The following EIF4G3 variants were observed in gnomAD, a reference collection of about 807,000 sequenced individuals.
EIF4G3 encodes eIF-4-gamma 3.
EIF4G3 carries 34 observed loss-of-function variants against 186.4 expected under a neutral mutation model. That is an observed-to-expected ratio of 0.18 (90% CI 0.14 to 0.24). EIF4G3 has a LOEUF of 0.24. Among genes scored for constraint, EIF4G3 ranks in the 10% least tolerant of loss-of-function variants. The pLI, the probability that EIF4G3 is intolerant of heterozygous loss-of-function variation, is 1.00. For missense variants in EIF4G3, 1,536 were observed against 1,948.5 expected (o/e 0.79, Z 3.99); for synonymous variants, 673 against 679.5 (o/e 0.99, Z 0.15).
At chr1:21,161,527 A>G (rs2097766314) in intron 2 of EIF4G3, 1 of 152,372 alleles carries the variant, frequency 6.6e-6, no homozygotes, top group African/African-American at 2.4e-5. Flanking sequence ...AGAAAAAGAA[A>G]AACAAGTGCC....
At chr1:21,104,417 A>G (rs989838748) in intron 2 of EIF4G3, among the ~76,000 whole-genome samples, 1 of 152,202 alleles carries the variant, frequency 6.6e-6, no homozygotes, top group Non-Finnish European at 1.5e-5. Flanking sequence ...AAGAACATGA[A>G]CAAACACTTT....
intron 3 of EIF4G3, among the ~76,000 whole-genome samples, chr1:21,052,368 C>T (rs1291022363): frequency 1.3e-5 from 2 of 152,140 alleles, no homozygotes; most frequent in East Asian, 3.8e-4. Context: ...AAGTCATTCT[C>T]CTTAAGGAAT....
At chr1:21,171,162 T>G (rs1247012527) in intron 2 of EIF4G3, among the ~76,000 whole-genome samples, 1 of 152,180 alleles carries the variant, frequency 6.6e-6, no homozygotes, top group Non-Finnish European at 1.5e-5. Flanking sequence ...TCCTGCAATA[T>G]CTCATCCGTG....
At chr1:21,146,986 G>A (rs865958567) in intron 2 of EIF4G3, among the ~76,000 whole-genome samples, 12 of 152,026 alleles carry the variant, frequency 7.9e-5, no homozygotes, top group East Asian at 1.9e-4. Context: ...GGATTTGGGC[G>A]GGTCAGTGGC....
chr1:20,946,210 T>C (rs2095942067), intron 13 of EIF4G3, among the ~76,000 whole-genome samples: 2 of 152,210 alleles, frequency 1.3e-5, no homozygotes, highest in Non-Finnish European at 2.9e-5. Context: ...AACACTGCTA[T>C]GAATGGTTGA....
chr1:20,846,600 G>C (rs545139249), intron 29 of EIF4G3, among the ~76,000 whole-genome samples: 1 of 152,274 alleles, frequency 6.6e-6, no homozygotes, highest in African/African-American at 2.4e-5. Context: ...TTTAGGGCCA[G>C]ACTTGTCTGT....
chr1:21,174,094 CAA>C (rs2098049640), intron 2 of EIF4G3, among the ~76,000 whole-genome samples: 3 of 152,110 alleles, frequency 2.0e-5, no homozygotes, highest in Admixed American at 2.0e-4. Context: ...TGAAACACAT[CAA>C]GAGGAAGATT....
rs529408312 is a variant in EIF4G3 at position 21,165,385 on chromosome 1, G to A, written c.-272+10790C>T. 1.8e-4 allele frequency among the ~76,000 whole-genome samples: 28 copies of A among 152,134 alleles called. No individual in the cohort carries two copies. The South Asian group carries it at 2.7e-3, about 15-fold the overall frequency. ...CATCTATATAAAAACATCCATGAACGGTCACAGCAACATCATTCAGAGCCA... is the reference window on the plus strand; with the variant it reads ...CATCTATATAAAAACATCCATGAACAGTCACAGCAACATCATTCAGAGCCA... On this transcript the variant is annotated intron_variant, in intron 2 of 36. Coordinates refer to ENST00000602326, the MANE Select transcript of EIF4G3 (RefSeq NM_001391906.1).
At chr1:21,069,301 C>T (rs555400336) in intron 3 of EIF4G3, among the ~76,000 whole-genome samples, 2 of 152,136 alleles carry the variant, frequency 1.3e-5, no homozygotes, top group Non-Finnish European at 2.9e-5. Flanking sequence ...AATGAGAACC[C>T]AGAAAAACTA....
intron 2 of EIF4G3, among the ~76,000 whole-genome samples, chr1:21,130,540 A>AT (rs2097134533): frequency 6.6e-6 from 1 of 151,978 alleles, no homozygotes; most frequent in Non-Finnish European, 1.5e-5. Context: ...AGCACCCAAT[A>AT]TCTCACGGTA....
intron 4 of EIF4G3, among the ~76,000 whole-genome samples, chr1:21,045,652 C>T (rs2093839804): frequency 6.6e-6 from 1 of 152,064 alleles, no homozygotes; most frequent in Non-Finnish European, 1.5e-5. Flanking sequence ...TTAATCAGCG[C>T]CAGTTTGGTC....
intron 20 of EIF4G3, among the ~76,000 whole-genome samples, chr1:20,871,000 C>T (rs113938238): frequency 7.5e-4 from 114 of 152,256 alleles, no homozygotes; most frequent in African/African-American, 2.7e-3. Flanking sequence ...TACAGTACTA[C>T]AGAGCAACGA....
intron 14 of EIF4G3, among the ~76,000 whole-genome samples, chr1:20,928,454 G>A (rs1356597739): frequency 6.6e-6 from 1 of 152,138 alleles, no homozygotes; most frequent in African/African-American, 2.4e-5. Flanking sequence ...CCAAGCTGGA[G>A]TGCAGTGGTG....
At chr1:21,174,218 AAT>A (rs1215672208) in intron 2 of EIF4G3, among the ~76,000 whole-genome samples, 3 of 152,216 alleles carry the variant, frequency 2.0e-5, no homozygotes, top group Admixed American at 6.5e-5. Context: ...CTTACACTTA[AAT>A]TTATCTCTTT....
intron 4 of EIF4G3, among the ~76,000 whole-genome samples, chr1:21,013,032 A>G: frequency 6.6e-6 from 1 of 152,174 alleles, no homozygotes; most frequent in African/African-American, 2.4e-5. Context: ...TGAAAGTAGA[A>G]GCAGTAGCAA....
intron 2 of EIF4G3, among the ~76,000 whole-genome samples, chr1:21,157,297 G>A (rs999925605): frequency 6.6e-6 from 1 of 151,604 alleles, no homozygotes; most frequent in Non-Finnish European, 1.5e-5. Flanking sequence ...TATTCCCCTA[G>A]TCCTCACTGA....
At chr1:21,062,019 T>C (rs1410943121) in intron 3 of EIF4G3, among the ~76,000 whole-genome samples, 1 of 151,956 alleles carries the variant, frequency 6.6e-6, no homozygotes, top group Non-Finnish European at 1.5e-5. Flanking sequence ...AGTGCTGAGA[T>C]TACAGGCGTG....
At chr1:21,053,804 G>A (rs1392144377) in intron 3 of EIF4G3, among the ~76,000 whole-genome samples, 2 of 147,908 alleles carry the variant, frequency 1.4e-5, no homozygotes, top group Admixed American at 6.7e-5. Flanking sequence ...GGGAAGAGAG[G>A]AGCCCCTCTG....
chr1:20,979,517 G>T (rs1046258116), intron 10 of EIF4G3, among the ~76,000 whole-genome samples: 1 of 152,158 alleles, frequency 6.6e-6, no homozygotes, highest in African/African-American at 2.4e-5. Context: ...TCTTTAAGGT[G>T]TAAGGTGGTA....
Sources: allele counts gnomAD v4.1 joint callset (sites outside exome capture counted in the v4.1 genomes callset), GRCh38; gene constraint gnomAD v4.1.1; transcripts MANE v1.5; gene names NCBI Gene and HGNC (gene_info 2026-07-23, HGNC 2026-07-21).